TFEC: variants seen among roughly 807,000 people sequenced by gnomAD.
The protein encoded by TFEC is transcription factor EC.
A neutral mutation model predicts 41.6 loss-of-function variants in TFEC; 31 were observed. The ratio of observed to expected loss-of-function variants is 0.74; its 90% CI spans 0.56 to 1.01. The LOEUF (loss-of-function observed/expected upper bound fraction) is 1.01. Among genes scored for constraint, TFEC ranks in the 50% least tolerant of loss-of-function variants. The pLI is 0.00. For missense variants in TFEC, 402 were observed against 404.1 expected (o/e 0.99, Z 0.04); for synonymous variants, 143 against 140.6 (o/e 1.02, Z -0.12).
chr7:116,085,725 G>A (rs1473303992), intron 3 of TFEC, among the ~76,000 whole-genome samples: 1 of 151,846 alleles, frequency 6.6e-6, no homozygotes, highest in Admixed American at 6.6e-5. Context: ...CCTCCACTGA[G>A]GTCAGAGCAA....
chr7:116,059,049 T>C (rs1162816317), intron 3 of TFEC, among the ~76,000 whole-genome samples: 1 of 151,646 alleles, frequency 6.6e-6, no homozygotes, highest in Non-Finnish European at 1.5e-5. Context: ...GGAAAATTAA[T>C]GAAATAAAAT....
chr7:115,942,952 A>G (rs1009735780), intron 6 of TFEC, among the ~76,000 whole-genome samples: 1 of 152,058 alleles, frequency 6.6e-6, no homozygotes, highest in African/African-American at 2.4e-5. Context: ...ATTTAGAGTC[A>G]CGAGATGTTT....
chr7:116,116,580 A>G (rs1797993671), intron 1 of TFEC, among the ~76,000 whole-genome samples: 1 of 151,976 alleles, frequency 6.6e-6, no homozygotes. Flanking sequence ...CAATGAGAGG[A>G]ATATTAAAAT....
At chr7:116,050,860 C>A (rs1796292528) in intron 3 of TFEC, among the ~76,000 whole-genome samples, 1 of 152,148 alleles carries the variant, frequency 6.6e-6, no homozygotes. Context: ...ATTTTTATTG[C>A]AGCACTATTC....
chr7:115,960,186 T>A (rs1792464403), intron 3 of TFEC, among the ~76,000 whole-genome samples: 1 of 151,480 alleles, frequency 6.6e-6, no homozygotes, highest in Admixed American at 6.6e-5. Flanking sequence ...AAAAGTCCAA[T>A]TAATATAAGA....
At position 115,939,767 on chromosome 7, in the gene TFEC, C is replaced by T. The variant is rs1356423479; in HGVS notation, c.*784G>A. 6.6e-6 allele frequency: 1 copy of T among 151,954 alleles called. No individual in the cohort carries two copies. Among genetic ancestry groups the T allele is most frequent in the Non-Finnish European group, 1.5e-5 (1 of 67,974 alleles). The allele number at this position is 151,954 out of a possible 1,614,324, so 9.4% of individuals were successfully genotyped here. A position where few individuals can be genotyped will look rare whatever the true frequency, so the allele number is the denominator to read the frequency against. The stretch of plus-strand genomic sequence containing the variant: ...GAACATATACTACCTGAATGATGTG[C>T]ATATGTGTATGTGTATGTTTGTGTG... On this transcript the variant is annotated 3_prime_UTR_variant, in exon 8 of 8. Transcript: ENST00000265440.
intron 3 of TFEC, among the ~76,000 whole-genome samples, chr7:115,971,668 G>A (rs1793141473): frequency 6.6e-6 from 1 of 152,024 alleles, no homozygotes; most frequent in Non-Finnish European, 1.5e-5. Context: ...CTCTGGCAAA[G>A]GAAATGGGGC....
At chr7:116,021,226 T>G (rs1188089275) in intron 1 of TFEC, among the ~76,000 whole-genome samples, 1 of 152,240 alleles carries the variant, frequency 6.6e-6, no homozygotes, top group Admixed American at 6.5e-5. Context: ...TGTTTTTGTT[T>G]TCTTTCATAG....
chr7:115,974,406 T>TATATATATATATATATA (rs1793277519), intron 2 of TFEC, 150 bp from the exon 3 acceptor site: 2 of 65,010 alleles, frequency 3.1e-5, no homozygotes, highest in Non-Finnish European at 6.7e-5. Flanking sequence ...AACCTCAATA[T>TATATATATATATATATA]TATATATATA....
chr7:116,043,442 A>C (rs1796087868), intron 3 of TFEC, among the ~76,000 whole-genome samples: 1 of 152,204 alleles, frequency 6.6e-6, no homozygotes, highest in Non-Finnish European at 1.5e-5. Flanking sequence ...GATGGAAAAA[A>C]GTTCTTAAAG....
intron 3 of TFEC, among the ~76,000 whole-genome samples, chr7:116,082,303 T>A (rs184793595): frequency 4.7e-4 from 71 of 152,138 alleles, no homozygotes; most frequent in Middle Eastern, 3.4e-3. Flanking sequence ...CACTACTGCA[T>A]CCAAATTTAG....
chr7:116,095,776 G>A (rs530253622), intron 3 of TFEC, among the ~76,000 whole-genome samples: 1 of 152,058 alleles, frequency 6.6e-6, no homozygotes, highest in South Asian at 2.1e-4. Context: ...ATCTGGAGGA[G>A]CTCTCTTTCT....
chr7:116,026,031 A>G (rs1365090995), intron 1 of TFEC, among the ~76,000 whole-genome samples: 1 of 152,190 alleles, frequency 6.6e-6, no homozygotes, highest in Non-Finnish European at 1.5e-5. Flanking sequence ...AGAGCTGGAG[A>G]ACATAAAACT....
chr7:115,970,918 A>C (rs949654008), intron 3 of TFEC, among the ~76,000 whole-genome samples: 5 of 152,006 alleles, frequency 3.3e-5, no homozygotes, highest in African/African-American at 9.7e-5. Context: ...CTTTTCTTTA[A>C]AAAGTACCCA....
At chr7:116,111,394 T>A (rs772149246) in intron 2 of TFEC, among the ~76,000 whole-genome samples, 1 of 152,036 alleles carries the variant, frequency 6.6e-6, no homozygotes, top group Admixed American at 6.6e-5. Context: ...CAACTACAAG[T>A]CACAATTTCC....
chr7:116,067,277 T>C (rs1042354284), intron 3 of TFEC, among the ~76,000 whole-genome samples: 2 of 152,046 alleles, frequency 1.3e-5, no homozygotes, highest in African/African-American at 4.8e-5. Flanking sequence ...GTAATATTCA[T>C]AGACGTTTCC....
Position 115,940,336 on chromosome 7 carries a change from CAAA to C in TFEC, c.*212_*214del, listed in dbSNP as rs1252001168. The C allele has an allele frequency of 8.3e-6, 4 of 484,512 alleles. No individual in the cohort carries two copies. Among genetic ancestry groups the C allele is most frequent in the Non-Finnish European group, 1.1e-5 (3 of 280,980 alleles). 30.0% of individuals were successfully genotyped at this position (484,512 alleles called of 1,614,324 possible). ...TTTAAGTGGATTTGGACTCCGTAGT[CAAA>C]GAAGAAAACACCTTTTTTTCGCCCT... On this transcript the variant is annotated 3_prime_UTR_variant, in exon 8 of 8. Transcript: ENST00000265440.
At chr7:116,126,448 T>G (rs1265435020) in intron 1 of TFEC, among the ~76,000 whole-genome samples, 3 of 151,864 alleles carry the variant, frequency 2.0e-5, no homozygotes, top group Non-Finnish European at 1.5e-5. Context: ...GGCAAAGGGA[T>G]GAACAAAGAA....
At chr7:116,056,929 AT>A (rs1314391875) in intron 3 of TFEC, among the ~76,000 whole-genome samples, 1 of 152,090 alleles carries the variant, frequency 6.6e-6, no homozygotes, top group African/African-American at 2.4e-5. Context: ...TAACAACTGT[AT>A]TCCATATGTT....
Sources: allele counts gnomAD v4.1 joint callset (sites outside exome capture counted in the v4.1 genomes callset), GRCh38; gene constraint gnomAD v4.1.1; transcripts MANE v1.5; gene names NCBI Gene and HGNC (gene_info 2026-07-23, HGNC 2026-07-21).